The following SLCO2B1 variants were observed in gnomAD, a reference collection of about 807,000 sequenced individuals.
The protein encoded by SLCO2B1 is OATP-RP2.
Under a neutral mutation model 67.3 loss-of-function variants are expected in SLCO2B1, and 41 were observed. The ratio of observed to expected loss-of-function variants is 0.61; its 90% confidence interval spans 0.47 to 0.79. SLCO2B1 has a LOEUF of 0.79. Ranked by LOEUF, SLCO2B1 falls within the 30% of genes least tolerant of loss-of-function variation. SLCO2B1 has a pLI of 0.00. For synonymous variants in SLCO2B1, 379 were observed against 381.4 expected (o/e 0.99, Z 0.07); for missense variants, 837 against 920.1 (o/e 0.91, Z 1.17).
chr11:75,157,594 T>C (rs925348319), intron 1 of SLCO2B1, among the ~76,000 whole-genome samples: 8 of 152,122 alleles, frequency 5.3e-5, no homozygotes, highest in African/African-American at 1.9e-4. Flanking sequence ...CTGGGCCCGA[T>C]TGCCTCAGAT....
chr11:75,188,026 C>G (rs1750970923), intron 7 of SLCO2B1, 110 bp from the exon 8 acceptor site: 3 of 667,704 alleles, frequency 4.5e-6, no homozygotes, highest in Non-Finnish European at 7.9e-6. Flanking sequence ...GAAGAGATGA[C>G]AGGGCTCTCA....
chr11:75,199,029 C>G (rs1490350997), intron 10 of SLCO2B1, among the ~76,000 whole-genome samples: 1 of 152,204 alleles, frequency 6.6e-6, no homozygotes, highest in African/African-American at 2.4e-5. Context: ...TCCTGGCAAC[C>G]TCTGCTTCTG....
rs560783464 is a variant in SLCO2B1, at chr11:75,182,481, G to A, written c.973-5655G>A. 5.9e-5 allele frequency among the ~76,000 whole-genome samples: 9 copies of A among 152,296 alleles called. No individual in the cohort carries two copies. In the South Asian group the frequency reaches 1.0e-3, roughly 18 times the overall value. Reference sequence around the variant, plus strand: ...AGTGTAGCTGGGCGCAGTGGCTCACGCCTGTAATCTCAGCACTTTGGGATG... The same window carrying A: ...AGTGTAGCTGGGCGCAGTGGCTCACACCTGTAATCTCAGCACTTTGGGATG... On this transcript the variant is annotated intron_variant, in intron 7 of 13. Transcript: ENST00000289575.
intron 9 of SLCO2B1, among the ~76,000 whole-genome samples, chr11:75,194,225 A>C (rs1052081058): frequency 6.6e-6 from 1 of 152,152 alleles, no homozygotes; most frequent in Non-Finnish European, 1.5e-5. Flanking sequence ...CTTGATTTCT[A>C]TCTCTCCAAT....
intron 1 of SLCO2B1, chr11:75,159,753 G>A: frequency 1.4e-6 from 1 of 733,116 alleles, no homozygotes; most frequent in African/African-American, 1.9e-5. Flanking sequence ...CTGCCCAGAG[G>A]CACAGGCTGT....
At chr11:75,192,921 G>A (rs1945045112) in intron 8 of SLCO2B1, among the ~76,000 whole-genome samples, 1 of 152,142 alleles carries the variant, frequency 6.6e-6, no homozygotes. Context: ...GTGCACACCT[G>A]TAGTTTCAGC....
chr11:75,193,800 G>A lies in SLCO2B1; in HGVS notation c.1433+225G>A, dbSNP rs984701972. On this transcript the variant is annotated intron_variant, in intron 9 of 13. Coordinates refer to ENST00000289575, the MANE Select transcript of SLCO2B1 (RefSeq NM_007256.5). The surrounding 1 kb of genome is among the most constrained non-coding windows in gnomAD (Gnocchi z 4.2). ...GGAAGGGGCATGGATGAGACTTCAGGGGCAGAAACTCTCAAGCCCAGGAGG... is the reference window on the plus strand; with the variant it reads ...GGAAGGGGCATGGATGAGACTTCAGAGGCAGAAACTCTCAAGCCCAGGAGG... Among the ~76,000 whole-genome samples, 3 of 152,220 alleles carry A rather than the reference G, an allele frequency of 2.0e-5. No homozygotes were observed. Among genetic ancestry groups the A allele is most frequent in the African/African-American group, 7.2e-5 (3 of 41,464 alleles).
At chr11:75,158,265 G>A (rs1435177394) in intron 1 of SLCO2B1, among the ~76,000 whole-genome samples, 1 of 152,102 alleles carries the variant, frequency 6.6e-6, no homozygotes, top group East Asian at 1.9e-4. Context: ...TAGTACAGAT[G>A]AGGTTTCACC....
In SLCO2B1 at chr11:75,193,899, C is replaced by T. The variant is rs938815394; in HGVS notation, c.1433+324C>T. ...GGGTGACCAAGCCCTGTGGGCCCAACAGAGATGAGCCAGAGGCTACATCAC... is the reference window on the plus strand; with the variant it reads ...GGGTGACCAAGCCCTGTGGGCCCAATAGAGATGAGCCAGAGGCTACATCAC... On this transcript the variant is annotated intron_variant, in intron 9 of 13. Transcript: ENST00000289575. The surrounding 1 kb of genome is among the most constrained non-coding windows in gnomAD (Gnocchi z 4.2). 6.6e-6 allele frequency among the ~76,000 whole-genome samples: 1 copy of T among 152,182 alleles called. No individual in the cohort carries two copies. The highest frequency in any genetic ancestry group is 1.5e-5 in the Non-Finnish European group (1 of 68,024).
chr11:75,193,602 G>T lies in SLCO2B1; in HGVS notation c.1433+27G>T, dbSNP rs533148076. ...TGAGTGTGTGCGTGGGCACGTAAAG[G>T]CAAGCCTGGGAGGACAGGACAGGGA... is the stretch of plus-strand genomic sequence containing the variant. On this transcript the variant is annotated intron_variant, in intron 9 of 13. Transcript: ENST00000289575. The surrounding 1 kb of genome is among the most constrained non-coding windows in gnomAD (Gnocchi z 4.2). 15 of 1,512,198 alleles carry T rather than the reference G, an allele frequency of 9.9e-6. No individual in the cohort carries two copies. Among genetic ancestry groups the T allele is most frequent in the Non-Finnish European group, 1.2e-5 (14 of 1,131,408 alleles). The allele number at this position is 1,512,198 out of a possible 1,614,324, so 93.7% of individuals were successfully genotyped here.
chr11:75,183,268 C>T (rs368347609), intron 7 of SLCO2B1, among the ~76,000 whole-genome samples: 2 of 152,094 alleles, frequency 1.3e-5, no homozygotes, highest in Non-Finnish European at 1.5e-5. Flanking sequence ...CTTCAAAATG[C>T]GATGTGTATT....
At position 75,193,950 on chromosome 11, in the gene SLCO2B1, A is replaced by C; in HGVS notation, c.1433+375A>C. Among the ~76,000 whole-genome samples, 1 of 152,120 alleles carries C rather than the reference A, an allele frequency of 6.6e-6. No homozygotes were observed. Among genetic ancestry groups the C allele is most frequent in the East Asian group, 1.9e-4 (1 of 5,180 alleles). ...AGGAGCCAGGACCCAGCTCAGCCAG[A>C]GGAATGGCCTGCCCAGGAGGAAGCA... On this transcript the variant is annotated intron_variant, in intron 9 of 13. Transcript: ENST00000289575. This position sits in a 1 kb window ranked among gnomAD's most constrained non-coding sequence, Gnocchi z 4.2.
At chr11:75,190,183 G>A (rs548300931) in intron 8 of SLCO2B1, among the ~76,000 whole-genome samples, 6 of 152,256 alleles carry the variant, frequency 3.9e-5, no homozygotes, top group African/African-American at 7.2e-5. Context: ...GCTTCTGCCC[G>A]GAGGGAAGCT....
chr11:75,170,496 T>G (rs1949946306), intron 6 of SLCO2B1, among the ~76,000 whole-genome samples: 1 of 152,176 alleles, frequency 6.6e-6, no homozygotes, highest in African/African-American at 2.4e-5. Context: ...AGCACGTCAC[T>G]GTGGCATCCC....
Position 75,204,272 on chromosome 11 carries a change from G to T in SLCO2B1, c.1950-128G>T, listed in dbSNP as rs1160147754. ...GAGCCTCTCCCCCTCCTCCAGGGAA[G>T]AGCCACAGCAGAGGTCAATGTCTCC... On this transcript the variant is annotated intron_variant, in intron 13 of 13. Transcript: ENST00000289575. 5 of 976,638 alleles carry T rather than the reference G, an allele frequency of 5.1e-6. No homozygotes were observed. The South Asian group carries it at 7.3e-5, about 14-fold the overall frequency. The allele number at this position is 976,638 out of a possible 1,614,324, so 60.5% of individuals were successfully genotyped here.
chr11:75,169,238 C>T lies in SLCO2B1; in HGVS notation c.514C>T (p.Pro172Ser), dbSNP rs182191826. 1 of 1,614,178 alleles carries T rather than the reference C, an allele frequency of 6.2e-7. No homozygotes were observed. The highest frequency in any genetic ancestry group is 2.2e-5 in the East Asian group (1 of 44,878). The part of the protein sequence containing the change: ...LPTTSAPASA[P>S]SNGNCSSYTE... ...CACAACCTCGGCCCCAGCCTCGGCC[C>T]CCTCCAATGGCAACTGCTCAAGCTA... The change falls in exon 5 of 14, where the codon CCC (proline) becomes TCC (serine). Residue 172 changes from proline (P) to serine (S), a missense_variant. Pro to Ser is a moderately conservative substitution (Grantham distance 74). Coordinates refer to ENST00000289575, the MANE Select transcript of SLCO2B1 (RefSeq NM_007256.5).
At chr11:75,187,981 G>A (rs528153192) in intron 7 of SLCO2B1, among the ~76,000 whole-genome samples, 155 bp from the exon 8 acceptor site, 3 of 152,296 alleles carry the variant, frequency 2.0e-5, no homozygotes, top group South Asian at 2.1e-4. Flanking sequence ...ATAGGGCCAA[G>A]AACAAATGGA....
intron 10 of SLCO2B1, chr11:75,199,848 G>A (rs1021591859): frequency 4.8e-6 from 1 of 206,444 alleles, no homozygotes; most frequent in Non-Finnish European, 9.6e-6. Flanking sequence ...GTGAGTGCAG[G>A]CTGGGATCAA....
chr11:75,169,639 G>A (rs752601566), intron 5 of SLCO2B1, 27 bp from the exon 6 acceptor site: 55 of 1,579,306 alleles, frequency 3.5e-5, no homozygotes, highest in Non-Finnish European at 4.8e-5. Flanking sequence ...AGGGCCAGAG[G>A]ATCCTAACTC....
Sources: gnomAD v4.1 joint callset for allele counts (sites outside exome capture counted in the v4.1 genomes callset) on GRCh38, gnomAD v4.1.1 for gene constraint, Gnocchi (gnomAD v3.1) non-coding constraint, MANE v1.5 for transcripts, NCBI Gene and HGNC (gene_info 2026-07-23, HGNC 2026-07-21) for gene names.